Variants in CCDC181 observed in about 807,000 individuals in gnomAD.
CCDC181 encodes coiled-coil domain-containing protein 181.
A neutral mutation model predicts 58.7 loss-of-function variants in CCDC181; 35 were observed. The ratio of observed to expected loss-of-function variants is 0.60; its 90% CI spans 0.46 to 0.79. CCDC181 has a LOEUF of 0.79. CCDC181 is among the 30% of genes least tolerant of loss of function. The pLI, the probability that CCDC181 is intolerant of heterozygous loss-of-function variation, is 0.00. For synonymous variants in CCDC181, 183 were observed against 197.5 expected (o/e 0.93, Z 0.62); for missense variants, 517 against 583.9 (o/e 0.89, Z 1.18).
chr1:169,428,205 C>A (rs1269508958), upstream of CCDC181, among the ~76,000 whole-genome samples: 1 of 152,082 alleles, frequency 6.6e-6, no homozygotes, highest in Non-Finnish European at 1.5e-5. Flanking sequence ...GACTTAAGGT[C>A]TTTTAAAATG....
intron 4 of CCDC181, among the ~76,000 whole-genome samples, chr1:169,400,669 A>G (rs1655289189): frequency 6.6e-6 from 1 of 152,240 alleles, no homozygotes; most frequent in African/African-American, 2.4e-5. Context: ...AAAGAAATGG[A>G]AATTTAAAAA....
chr1:169,409,246 C>G (rs1655829781), intron 4 of CCDC181, among the ~76,000 whole-genome samples: 1 of 152,108 alleles, frequency 6.6e-6, no homozygotes, highest in Non-Finnish European at 1.5e-5. Context: ...GAAACATACA[C>G]AACTATCAAT....
intron 4 of CCDC181, among the ~76,000 whole-genome samples, chr1:169,399,521 C>T (rs1655226042): frequency 6.6e-6 from 1 of 151,898 alleles, no homozygotes; most frequent in Non-Finnish European, 1.5e-5. Context: ...TATGTCACTG[C>T]ATAAGATCAT....
intron 2 of CCDC181, among the ~76,000 whole-genome samples, chr1:169,440,911 G>A (rs1657205331): frequency 1.1e-5 from 1 of 90,050 alleles, no homozygotes; most frequent in Non-Finnish European, 2.2e-5. Flanking sequence ...CTCCAGCCCA[G>A]GCAACAGAGC....
intron 4 of CCDC181, among the ~76,000 whole-genome samples, chr1:169,414,299 C>T (rs1358846435): frequency 4.6e-5 from 7 of 152,106 alleles, no homozygotes; most frequent in Non-Finnish European, 8.8e-5. Context: ...TGTATACCCA[C>T]AACACTTGAA....
intron 2 of CCDC181, among the ~76,000 whole-genome samples, chr1:169,441,101 T>C (rs574235591): frequency 9.1e-4 from 139 of 152,254 alleles, no homozygotes; most frequent in Non-Finnish European, 1.5e-3. Flanking sequence ...GTTAAGCATA[T>C]TTCTGCTAAA....
upstream of CCDC181, among the ~76,000 whole-genome samples, chr1:169,428,802 C>T (rs1270189947): frequency 2.0e-5 from 3 of 152,086 alleles, no homozygotes; most frequent in Admixed American, 1.3e-4. Flanking sequence ...ACTACAGGCA[C>T]GCCACCACAC....
chr1:169,402,745 C>T (rs1196873085), intron 4 of CCDC181, among the ~76,000 whole-genome samples: 1 of 152,166 alleles, frequency 6.6e-6, no homozygotes, highest in East Asian at 1.9e-4. Flanking sequence ...GAAACTGCAT[C>T]AACTAACGAG....
intron 2 of CCDC181, among the ~76,000 whole-genome samples, chr1:169,448,784 A>G (rs1002307672): frequency 1.3e-5 from 2 of 152,074 alleles, no homozygotes; most frequent in African/African-American, 4.8e-5. Flanking sequence ...CTCTTTTGGT[A>G]TTTCAACAAT....
At chr1:169,410,095 C>T (rs1025808660) in intron 4 of CCDC181, among the ~76,000 whole-genome samples, 1 of 151,174 alleles carries the variant, frequency 6.6e-6, no homozygotes, top group Non-Finnish European at 1.5e-5. Context: ...ACTGGCAAAT[C>T]GGATAGAGTC....
intron 4 of CCDC181, among the ~76,000 whole-genome samples, chr1:169,412,272 A>C (rs1479683475): frequency 6.6e-6 from 1 of 152,194 alleles, no homozygotes; most frequent in Non-Finnish European, 1.5e-5. Context: ...ATTCCCATTC[A>C]CATTGCTACA....
intron 2 of CCDC181, among the ~76,000 whole-genome samples, chr1:169,441,670 G>C (rs961967618): frequency 3.6e-4 from 54 of 152,002 alleles, no homozygotes; most frequent in African/African-American, 1.3e-3. Flanking sequence ...AGCAAAGGAA[G>C]CTGGTTCTTA....
intron 2 of CCDC181, among the ~76,000 whole-genome samples, chr1:169,449,680 G>A (rs949255812): frequency 7.2e-5 from 11 of 152,188 alleles, no homozygotes; most frequent in Admixed American, 1.3e-4. Flanking sequence ...GATGTTCGAG[G>A]GCAGGAAGCA....
At chr1:169,424,511 A>G (rs1656629609) in intron 2 of CCDC181, among the ~76,000 whole-genome samples, 1 of 151,794 alleles carries the variant, frequency 6.6e-6, no homozygotes. Context: ...TCGATGCAAT[A>G]AATCATGATT....
At chr1:169,427,885 C>T (rs1010305677), upstream of CCDC181, among the ~76,000 whole-genome samples, 3 of 152,098 alleles carry the variant, frequency 2.0e-5, no homozygotes, top group Admixed American at 2.0e-4. Context: ...GATTTTTGCT[C>T]TAGCTTTGAG....
chr1:169,410,233 G>T (rs1465242398), intron 4 of CCDC181, among the ~76,000 whole-genome samples: 1 of 150,928 alleles, frequency 6.6e-6, no homozygotes, highest in Non-Finnish European at 1.5e-5. Flanking sequence ...AAAAGCAGGG[G>T]TTGCAATACT....
At chr1:169,406,639 G>A (rs1332857692) in intron 4 of CCDC181, among the ~76,000 whole-genome samples, 2 of 152,060 alleles carry the variant, frequency 1.3e-5, no homozygotes, top group Non-Finnish European at 2.9e-5. Flanking sequence ...ACACACCAGG[G>A]CCTGTTGTGG....
At chr1:169,459,091 T>G (rs187643833) in intron 2 of CCDC181, among the ~76,000 whole-genome samples, 1 of 152,210 alleles carries the variant, frequency 6.6e-6, no homozygotes, top group Admixed American at 6.5e-5. Flanking sequence ...TTATGCTTTT[T>G]TATTTCTCCA....
In CCDC181 at chr1:169,397,312, G is replaced by C. The variant is rs1417836037; in HGVS notation, c.1295C>G (p.Thr432Arg). ...KHEEQMKERQ[T>R]EELRKQEECL... ...TTCCTCTTGCTTTCTTAGTTCTTCT[G>C]TCTGTCTTTCTTTCATCTGCTCTTC... The change falls in exon 5 of 6, where the codon ACA becomes AGA. Residue 432 changes from threonine to arginine, a missense_variant. Transcript: ENST00000367806. 3 of 1,611,450 alleles carry C rather than the reference G, an allele frequency of 1.9e-6. No homozygotes were observed. The highest frequency in any genetic ancestry group is 8.5e-7 in the Non-Finnish European group (1 of 1,178,884).
Sources: gnomAD v4.1 joint callset for allele counts (sites outside exome capture counted in the v4.1 genomes callset) on GRCh38, gnomAD v4.1.1 for gene constraint, MANE v1.5 for transcripts, NCBI Gene and HGNC (gene_info 2026-07-23, HGNC 2026-07-21) for gene names.